Variants in MYT1L observed in about 807,000 individuals in gnomAD.
MYT1L encodes the protein myelin transcription factor 1-like protein.
Under a neutral mutation model 126.7 loss-of-function variants are expected in MYT1L, and 12 were observed. The observed-to-expected ratio is 0.09, with a 90% confidence interval of 0.06 to 0.15. The LOEUF (loss-of-function observed/expected upper bound fraction) is 0.15, where lower values mean the gene tolerates loss of function less well. MYT1L is among the 10% of genes least tolerant of loss of function. The pLI is 1.00. For synonymous variants in MYT1L, 541 were observed against 604.2 expected (o/e 0.90, Z 1.53); for missense variants, 979 against 1,585.2 (o/e 0.62, Z 6.49).
intron 18 of MYT1L, among the ~76,000 whole-genome samples, chr2:1,866,963 G>C (rs2045646242): frequency 7.8e-6 from 1 of 127,878 alleles, no homozygotes; most frequent in African/African-American, 3.3e-5. Context: ...CAGAAAGAGA[G>C]AGAGAGGGAG....
chr2:1,948,299 T>C (rs1024308103), intron 8 of MYT1L, among the ~76,000 whole-genome samples: 2 of 152,210 alleles, frequency 1.3e-5, no homozygotes, highest in Non-Finnish European at 2.9e-5. Context: ...GCTCTCTATT[T>C]GTTAATGTAA....
intron 1 of MYT1L, among the ~76,000 whole-genome samples, chr2:2,314,341 A>C (rs1175825925): frequency 6.6e-6 from 1 of 152,218 alleles, no homozygotes; most frequent in Non-Finnish European, 1.5e-5. Flanking sequence ...ATTACACACT[A>C]TCAAATATCA....
chr2:1,923,384 C>T, intron 9 of MYT1L, 121 bp from the exon 10 acceptor site: 3 of 840,156 alleles, frequency 3.6e-6, no homozygotes, highest in Non-Finnish European at 3.6e-6. Flanking sequence ...TATCATCTCA[C>T]AGAACTGTAA....
intron 2 of MYT1L, among the ~76,000 whole-genome samples, chr2:2,187,913 C>G (rs1427066827): frequency 1.3e-5 from 2 of 152,052 alleles, no homozygotes; most frequent in African/African-American, 2.4e-5. Context: ...CCCTCTCTCT[C>G]CATATATATA....
At chr2:1,859,508 G>A (rs1366445684) in intron 18 of MYT1L, among the ~76,000 whole-genome samples, 1 of 152,210 alleles carries the variant, frequency 6.6e-6, no homozygotes, top group African/African-American at 2.4e-5. Flanking sequence ...TGGTTGTAGG[G>A]CCTTGTGGCT....
At chr2:2,068,769 GTTTT>G (rs55838351) in intron 3 of MYT1L, among the ~76,000 whole-genome samples, 649 of 26,162 alleles carry the variant, frequency 0.025, 11 homozygotes, top group African/African-American at 0.059. Flanking sequence ...TGTTCTTCTT[GTTTT>G]TTTTTTTTTT....
chr2:2,045,063 G>T (rs2068013490), intron 4 of MYT1L, among the ~76,000 whole-genome samples: 1 of 152,140 alleles, frequency 6.6e-6, no homozygotes, highest in Admixed American at 6.5e-5. Context: ...TAAGTGCAAG[G>T]TACCTGATAA....
In MYT1L at chr2:1,923,233, C is replaced by T. The variant is rs774090416; in HGVS notation, c.536G>A (p.Arg179Gln). The T allele has an allele frequency of 2.1e-5, 34 of 1,601,102 alleles. No homozygotes were observed. Among genetic ancestry groups the T allele is most frequent in the African/African-American group, 6.7e-5 (5 of 74,778 alleles). ...EDHQMNCHNT[R>Q]IMQDTEKDDN... ...ATCCTTTTCTGTGTCTTGCATTATT[C>T]GAGTATTGTGACAATTCATTTGATG... The change falls in exon 10 of 25, where the codon CGA becomes CAA. Residue 179 changes from arginine (R) to glutamine (Q), a missense_variant. This residue lies in a region of MYT1L where 243 missense variants were observed against 363.9 expected (regional missense o/e 0.67). Coordinates refer to ENST00000647738, the MANE Select transcript of MYT1L (RefSeq NM_001303052.2).
chr2:1,815,600 C>G (rs938835807), intron 21 of MYT1L, among the ~76,000 whole-genome samples: 4 of 152,226 alleles, frequency 2.6e-5, no homozygotes, highest in African/African-American at 9.6e-5. Context: ...AGAGGCCGAG[C>G]TGCTTTCCCA....
intron 14 of MYT1L, among the ~76,000 whole-genome samples, chr2:1,898,860 G>C (rs1045682414): frequency 2.6e-5 from 4 of 152,216 alleles, no homozygotes; most frequent in African/African-American, 9.6e-5. Context: ...GGAGACAGAG[G>C]GCCAGGGAGG....
intron 8 of MYT1L, among the ~76,000 whole-genome samples, chr2:1,965,245 G>A (rs2059255391): frequency 6.9e-6 from 1 of 145,242 alleles, no homozygotes; most frequent in Admixed American, 6.9e-5. Context: ...TCTGTGACTT[G>A]CAGGGACCAG....
intron 3 of MYT1L, among the ~76,000 whole-genome samples, chr2:2,081,567 G>A (rs936966228): frequency 1.3e-5 from 2 of 152,080 alleles, no homozygotes; most frequent in African/African-American, 4.8e-5. Context: ...TCACTAATTT[G>A]CCCTCTCATT....
At chr2:2,280,389 C>G (rs2095430672) in intron 2 of MYT1L, among the ~76,000 whole-genome samples, 1 of 152,158 alleles carries the variant, frequency 6.6e-6, no homozygotes, top group Admixed American at 6.5e-5. Flanking sequence ...TCCAGGACAA[C>G]CAAGTGAACC....
chr2:1,926,979 T>C (rs982721121), intron 9 of MYT1L, among the ~76,000 whole-genome samples: 2 of 151,944 alleles, frequency 1.3e-5, no homozygotes, highest in African/African-American at 4.8e-5. Context: ...TAGATGGAGG[T>C]TTAAAGAGAA....
At chr2:1,839,674 T>A (rs2041391204) in intron 20 of MYT1L, among the ~76,000 whole-genome samples, 1 of 152,214 alleles carries the variant, frequency 6.6e-6, no homozygotes, top group Admixed American at 6.5e-5. Context: ...CGCAGGCACA[T>A]GCAGCTACAC....
At chr2:2,193,127 A>G (rs1306377391) in intron 2 of MYT1L, among the ~76,000 whole-genome samples, 1 of 151,870 alleles carries the variant, frequency 6.6e-6, no homozygotes, top group Non-Finnish European at 1.5e-5. Flanking sequence ...ATAGGTGCCC[A>G]CCACCACGCC....
chr2:1,859,681 T>C (rs1162873965), intron 18 of MYT1L, among the ~76,000 whole-genome samples: 1 of 152,364 alleles, frequency 6.6e-6, no homozygotes, highest in Non-Finnish European at 1.5e-5. Context: ...GCAGGAATAT[T>C]GGCCAGGGGA....
intron 8 of MYT1L, among the ~76,000 whole-genome samples, chr2:1,953,460 C>G (rs1401909420): frequency 1.3e-5 from 2 of 152,196 alleles, no homozygotes; most frequent in African/African-American, 2.4e-5. Context: ...ATCTCAAGTT[C>G]CCCCTTCTCC....
intron 21 of MYT1L, among the ~76,000 whole-genome samples, chr2:1,810,590 G>C (rs767715819): frequency 1.8e-4 from 27 of 152,186 alleles, no homozygotes; most frequent in Admixed American, 3.3e-4. Flanking sequence ...CTTTACTAGT[G>C]CAGGCAGATT....
Sources: gnomAD v4.1 joint callset for allele counts (sites outside exome capture counted in the v4.1 genomes callset) on GRCh38, gnomAD v4.1.1 for gene constraint, gnomAD v4.1.1 regional missense constraint, MANE v1.5 for transcripts, NCBI Gene and HGNC (gene_info 2026-07-23, HGNC 2026-07-21) for gene names.